KIF19: variants seen among roughly 807,000 people sequenced by gnomAD.
KIF19 encodes kinesin family member 19.
KIF19 carries 98 observed loss-of-function variants against 106.6 expected under a neutral mutation model. The ratio of observed to expected loss-of-function variants is 0.92; its 90% CI spans 0.78 to 1.09. The LOEUF is 1.09. Ranked by LOEUF, KIF19 falls within the 50% of genes least tolerant of loss-of-function variation. KIF19 has a pLI of 0.00. For synonymous variants in KIF19, 516 were observed against 584.2 expected (o/e 0.88, Z 1.68); for missense variants, 1,373 against 1,414.3 (o/e 0.97, Z 0.47).
intron 2 of KIF19, among the ~76,000 whole-genome samples, chr17:74,333,926 G>T (rs181223282): frequency 7.0e-6 from 1 of 143,142 alleles, no homozygotes; most frequent in Non-Finnish European, 1.5e-5. Flanking sequence ...TGGGCTCAAA[G>T]GATCCTCCCA....
intron 2 of KIF19, among the ~76,000 whole-genome samples, chr17:74,340,573 A>ACACACACACACACT (rs2054343972): frequency 6.6e-6 from 1 of 151,622 alleles, no homozygotes; most frequent in Non-Finnish European, 1.5e-5. Context: ...ACACACACAC[A>ACACACACACACACT]CTGCTGCCAC....
rs560531648 is a variant in KIF19, at chr17:74,348,330, T to G, written c.1047+431T>G. On this transcript the variant is annotated intron_variant, in intron 9 of 19. Coordinates refer to ENST00000389916, the MANE Select transcript of KIF19 (RefSeq NM_153209.4). ...ATTATTGCGGTTCCCATGTACAGAT[T>G]AGGACAGCAAGGCTTAAGGAAGTTA... Among the ~76,000 whole-genome samples, 81 of 152,374 alleles carry G rather than the reference T, an allele frequency of 5.3e-4. 1 individual carries two copies. Among genetic ancestry groups the G allele is most frequent in the African/African-American group, 1.9e-3 (78 of 41,592 alleles).
intron 9 of KIF19, 65 bp from the exon 10 acceptor site, chr17:74,349,119 G>C (rs185598644): frequency 6.4e-7 from 1 of 1,571,900 alleles, no homozygotes; most frequent in Non-Finnish European, 8.7e-7. Flanking sequence ...AGGCCCTGCA[G>C]GCAGGCCTCG....
intron 12 of KIF19, among the ~76,000 whole-genome samples, 182 bp from the exon 13 acceptor site, chr17:74,351,685 C>T (rs2054705671): frequency 6.6e-6 from 1 of 152,154 alleles, no homozygotes; most frequent in South Asian, 2.1e-4. Flanking sequence ...AAAGTGGACA[C>T]TGAGGGGCCA....
chr17:74,355,133 T>C, intron 19 of KIF19, 49 bp from the exon 20 acceptor site: 2 of 1,555,184 alleles, frequency 1.3e-6, no homozygotes, highest in Non-Finnish European at 1.7e-6. Context: ...GGGAGAGGAG[T>C]TGGGGAGGCA....
intron 2 of KIF19, among the ~76,000 whole-genome samples, chr17:74,332,600 G>A (rs533173911): frequency 2.6e-5 from 4 of 152,334 alleles, no homozygotes; most frequent in African/African-American, 7.2e-5. Flanking sequence ...CTCTGCTCCC[G>A]GGGTGCTGTA....
In KIF19 at chr17:74,326,432, T is replaced by G. The variant is rs200973276; in HGVS notation, c.39+44T>G. On this transcript the variant is annotated intron_variant, in intron 1 of 19. Transcript: ENST00000389916. ...CTCCTCCCCACCCCGCTCCGTGGTCTACTTCAGTCGGCCTCCAGCGACAGA... is the reference window on the plus strand; with the variant it reads ...CTCCTCCCCACCCCGCTCCGTGGTCGACTTCAGTCGGCCTCCAGCGACAGA... The G allele has an allele frequency of 1.0e-4, 165 of 1,591,052 alleles. No homozygotes were observed. The African/African-American group carries it at 1.8e-3, about 17-fold the overall frequency.
intron 2 of KIF19, among the ~76,000 whole-genome samples, chr17:74,333,354 G>A (rs946647940): frequency 6.7e-6 from 1 of 148,630 alleles, no homozygotes; most frequent in African/African-American, 2.6e-5. Flanking sequence ...TGCAGTATGT[G>A]GTCCTAATTT....
chr17:74,328,249 G>A (rs1884520699), intron 1 of KIF19, among the ~76,000 whole-genome samples, 176 bp from the exon 2 acceptor site: 1 of 152,166 alleles, frequency 6.6e-6, no homozygotes, highest in Non-Finnish European at 1.5e-5. Flanking sequence ...CATCAACTCA[G>A]ACACAGTCCA....
At chr17:74,342,067 C>T in intron 3 of KIF19, 81 bp downstream of exon 3, 1 of 1,042,364 alleles carries the variant, frequency 9.6e-7, no homozygotes, top group East Asian at 2.4e-5. Context: ...CTCCAGGGCC[C>T]CTGCCTTTGA....
chr17:74,328,853 C>T (rs1472788181), intron 2 of KIF19: 3 of 171,128 alleles, frequency 1.8e-5, no homozygotes, highest in South Asian at 1.5e-4. Context: ...TAGGGTGTAA[C>T]GTGTGGCAAA....
chr17:74,353,611 T>C (rs780941710), intron 17 of KIF19, 30 bp downstream of exon 17: 32 of 1,559,842 alleles, frequency 2.1e-5, no homozygotes, highest in Non-Finnish European at 2.7e-5. Context: ...CCCGGCCACC[T>C]CACCTGGCCT....
In KIF19 at chr17:74,355,317, C is replaced by A; in HGVS notation, c.*5C>A. The A allele has an allele frequency of 6.2e-7, 1 of 1,603,122 alleles. No individual in the cohort carries two copies. The highest frequency in any genetic ancestry group is 8.5e-7 in the Non-Finnish European group (1 of 1,176,112). On this transcript the variant is annotated 3_prime_UTR_variant, in exon 20 of 20. Transcript: ENST00000389916. ...GGATGCTCCCGGCATAACTGAGGGGCCCTGCCTGGAACTGGCTCTCTCACC... is the reference window on the plus strand; with the variant it reads ...GGATGCTCCCGGCATAACTGAGGGGACCTGCCTGGAACTGGCTCTCTCACC...
chr17:74,350,473 C>CTG lies in KIF19; in HGVS notation c.1286_1287insTG (p.Phe430AlafsTer246). ...CAGCTTCGGGAGCAGCTCGCCAGCG[C>CTG]CTTCCAGGAGCAGATGGATGTGCGG... On this transcript the variant is annotated frameshift_variant, in exon 11 of 20. Transcript: ENST00000389916. LOFTEE classifies it high-confidence loss of function. 1 of 1,611,458 alleles carries CTG rather than the reference C, an allele frequency of 6.2e-7. No individual in the cohort carries two copies. Among genetic ancestry groups the CTG allele is most frequent in the Non-Finnish European group, 8.5e-7 (1 of 1,179,476 alleles).
At position 74,355,326 on chromosome 17, in the gene KIF19, G is replaced by C. The variant is rs777094802; in HGVS notation, c.*14G>C. ...CGGCATAACTGAGGGGCCCTGCCTGGAACTGGCTCTCTCACCTCCCAAGAC... is the reference window on the plus strand; with the variant it reads ...CGGCATAACTGAGGGGCCCTGCCTGCAACTGGCTCTCTCACCTCCCAAGAC... On this transcript the variant is annotated 3_prime_UTR_variant, in exon 20 of 20. Coordinates refer to ENST00000389916, the MANE Select transcript of KIF19 (RefSeq NM_153209.4). 6.3e-7 allele frequency: 1 copy of C among 1,596,558 alleles called. No homozygotes were observed. Among genetic ancestry groups the C allele is most frequent in the Non-Finnish European group, 8.5e-7 (1 of 1,173,246 alleles).
In KIF19 at chr17:74,352,057, G is replaced by T; in HGVS notation, c.1778G>T (p.Arg593Leu). The change falls in exon 13 of 20, where the codon CGC becomes CTC. Residue 593 changes from arginine (R) to leucine (L), a missense_variant. Physicochemically the swap from Arg to Leu is moderately radical, Grantham distance 102 (BLOSUM62 -2). Around this residue, in one of 3 missense-constraint regions of KIF19, gnomAD observed 1,020 missense variants for 1,008.2 expected, o/e 1.01. Transcript: ENST00000389916. ...ALLRDGALRH[R>L]HEAVRRLEQH... ...CTCCGCGACGGTGCGCTCCGCCACC[G>T]CCACGAGGCCGTGCGCCGCCTGGAG... 6.3e-7 allele frequency: 1 copy of T among 1,586,200 alleles called. No homozygotes were observed. Among genetic ancestry groups the T allele is most frequent in the East Asian group, 2.3e-5 (1 of 43,434 alleles).
At chr17:74,348,492 G>A (rs928114298) in intron 9 of KIF19, 3 of 160,350 alleles carry the variant, frequency 1.9e-5, no homozygotes, top group Middle Eastern at 5.2e-4. Flanking sequence ...CCACCTGTTC[G>A]TGTGTGGAGG....
At chr17:74,348,551 C>T (rs2054600854) in intron 9 of KIF19, 1 of 160,346 alleles carries the variant, frequency 6.2e-6, no homozygotes, top group African/African-American at 2.4e-5. Flanking sequence ...ATTCTCCCAA[C>T]ACCTAACACT....
At position 74,328,435 on chromosome 17, in the gene KIF19, G is replaced by A. The variant is rs370793314; in HGVS notation, c.50G>A (p.Arg17Gln). Reference sequence around the variant, plus strand: ...GGTTTTCCCTCCCAGGTGGCGCTTCGGGTCCGGCCCATCAGCGTGGCAGAG... The same window carrying A: ...GGTTTTCCCTCCCAGGTGGCGCTTCAGGTCCGGCCCATCAGCGTGGCAGAG... The part of the protein sequence containing the change: ...SKDQQLMVAL[R>Q]VRPISVAELE... Residue 17 changes from arginine (R) to glutamine (Q), a missense_variant, in exon 2 of 20, where the codon CGG (arginine) becomes CAG (glutamine). Coordinates refer to ENST00000389916, the MANE Select transcript of KIF19 (RefSeq NM_153209.4). 9.4e-5 allele frequency: 151 copies of A among 1,608,778 alleles called. No homozygotes were observed. The highest frequency in any genetic ancestry group is 1.7e-4 in the Middle Eastern group (1 of 5,728).
Sources: allele counts gnomAD v4.1 joint callset (sites outside exome capture counted in the v4.1 genomes callset), GRCh38; gene constraint gnomAD v4.1.1; regional missense constraint gnomAD v4.1.1; transcripts MANE v1.5; gene names NCBI Gene and HGNC (gene_info 2026-07-23, HGNC 2026-07-21).